DENND1B: variants seen among roughly 807,000 people sequenced by gnomAD.
DENND1B encodes DENN domain containing 1B.
DENND1B carries 59 observed loss-of-function variants against 90.1 expected under a neutral mutation model. The ratio of observed to expected loss-of-function variants is 0.65; its 90% CI spans 0.53 to 0.81. The LOEUF (loss-of-function observed/expected upper bound fraction) is 0.81. Ranked by LOEUF, DENND1B falls within the 40% of genes least tolerant of loss-of-function variation. The pLI is 0.00. For synonymous variants in DENND1B, 337 were observed against 324.6 expected, an observed-to-expected ratio of 1.04 and a Z score of -0.41; for missense variants, 862 against 912.6, an observed-to-expected ratio of 0.94 and a Z score of 0.71.
intron 15 of DENND1B, among the ~76,000 whole-genome samples, chr1:197,564,966 CATT>C (rs1254354906): frequency 2.6e-5 from 4 of 151,976 alleles, no homozygotes; most frequent in Admixed American, 2.6e-4. Context: ...TTTCTTCTGT[CATT>C]ATGTCTCTAT....
chr1:197,575,787 A>G (rs1039586110), intron 15 of DENND1B, among the ~76,000 whole-genome samples: 4 of 152,204 alleles, frequency 2.6e-5, no homozygotes, highest in African/African-American at 9.6e-5. Flanking sequence ...TTGCAGGGAC[A>G]TGGATGAAGC....
intron 3 of DENND1B, among the ~76,000 whole-genome samples, chr1:197,703,689 C>T (rs1339094480): frequency 1.3e-5 from 2 of 152,306 alleles, no homozygotes; most frequent in Admixed American, 6.5e-5. Context: ...AAATAAACTT[C>T]AATCAATTTT....
chr1:197,752,408 C>T (rs1484883674), intron 2 of DENND1B, among the ~76,000 whole-genome samples: 1 of 151,968 alleles, frequency 6.6e-6, no homozygotes, highest in East Asian at 1.9e-4. Flanking sequence ...TAAAATCCTT[C>T]CCACAAGAAA....
At chr1:197,550,631 G>A (rs947595402) in intron 16 of DENND1B, among the ~76,000 whole-genome samples, 4 of 148,046 alleles carry the variant, frequency 2.7e-5, no homozygotes, top group African/African-American at 1.0e-4. Context: ...ATGGACACAG[G>A]AAGGGGAACA....
chr1:197,642,970 G>T, intron 9 of DENND1B, 149 bp from the exon 10 acceptor site: 1 of 548,766 alleles, frequency 1.8e-6, no homozygotes, highest in Non-Finnish European at 3.2e-6. Context: ...AATACTAGTC[G>T]GCTGCCACAT....
chr1:197,674,277 C>A, intron 3 of DENND1B, 108 bp from the exon 4 acceptor site: 1 of 771,370 alleles, frequency 1.3e-6, no homozygotes, highest in South Asian at 1.8e-5. Context: ...CTTTCTTTGT[C>A]CTTAAGAAAA....
intron 20 of DENND1B, among the ~76,000 whole-genome samples, chr1:197,524,468 T>C (rs934619939): frequency 6.6e-6 from 1 of 152,308 alleles, no homozygotes; most frequent in East Asian, 1.9e-4. Flanking sequence ...CACACTGTTC[T>C]GATCCTGATC....
chr1:197,552,842 G>A (rs1571850684), intron 16 of DENND1B, 180 bp downstream of exon 16: 1 of 1,360,090 alleles, frequency 7.4e-7, no homozygotes, highest in Non-Finnish European at 9.4e-7. Flanking sequence ...TTGAGTAACA[G>A]GTATCAGGCA....
At chr1:197,731,200 A>T (rs896723147) in intron 2 of DENND1B, among the ~76,000 whole-genome samples, 1 of 152,172 alleles carries the variant, frequency 6.6e-6, no homozygotes, top group Non-Finnish European at 1.5e-5. Flanking sequence ...AAGAACTCAT[A>T]AAGAGAAGAA....
At chr1:197,603,950 C>T (rs149239729) in intron 13 of DENND1B, among the ~76,000 whole-genome samples, 1 of 151,206 alleles carries the variant, frequency 6.6e-6, no homozygotes, top group African/African-American at 2.4e-5. Flanking sequence ...TATAAACATA[C>T]TACAATAACA....
chr1:197,744,847 CT>C (rs1663556110), intron 2 of DENND1B, among the ~76,000 whole-genome samples: 1 of 152,182 alleles, frequency 6.6e-6, no homozygotes, highest in African/African-American at 2.4e-5. Context: ...ATGTAGCCAC[CT>C]TCATCAATGA....
chr1:197,611,895 A>G, intron 12 of DENND1B, 36 bp downstream of exon 12: 1 of 1,577,250 alleles, frequency 6.3e-7, no homozygotes, highest in South Asian at 1.1e-5. Context: ...TTTATGAGTT[A>G]ATTTTATCAC....
intron 15 of DENND1B, among the ~76,000 whole-genome samples, chr1:197,558,485 G>C (rs10922253): frequency 2.0e-5 from 3 of 151,502 alleles, no homozygotes; most frequent in Non-Finnish European, 4.4e-5. Context: ...GGAGCTATGA[G>C]CCAGGAACCG....
At chr1:197,591,937 C>T (rs542287830) in intron 14 of DENND1B, among the ~76,000 whole-genome samples, 56 of 151,716 alleles carry the variant, frequency 3.7e-4, no homozygotes, top group Non-Finnish European at 6.9e-4. Context: ...GGCAAAACCC[C>T]GTCTCTACTA....
At chr1:197,585,191 C>T (rs1374204203) in intron 14 of DENND1B, among the ~76,000 whole-genome samples, 1 of 151,784 alleles carries the variant, frequency 6.6e-6, no homozygotes, top group African/African-American at 2.4e-5. Flanking sequence ...CACTGGGAGC[C>T]CGATAAATGT....
At chr1:197,781,499 T>A in the DENND1B span, among the ~76,000 whole-genome samples, 5 of 152,224 alleles carry the variant, frequency 3.3e-5, no homozygotes, top group Non-Finnish European at 7.3e-5. Context: ...TTGACTGAGA[T>A]AGTGTTGTTA....
intron 12 of DENND1B, among the ~76,000 whole-genome samples, chr1:197,609,193 T>C (rs943973328): frequency 2.7e-5 from 4 of 150,570 alleles, no homozygotes; most frequent in Non-Finnish European, 4.5e-5. Flanking sequence ...AAGAAAATAA[T>C]ATTAGACATA....
rs1667963554 is a variant in DENND1B at position 197,510,697 on chromosome 1, A to G, written c.2091T>C (p.Asp697=). 1 of 1,612,610 alleles carries G rather than the reference A, an allele frequency of 6.2e-7. No homozygotes were observed. Among genetic ancestry groups the G allele is most frequent in the Non-Finnish European group, 8.5e-7 (1 of 1,179,154 alleles). Residue 697 remains aspartate, a synonymous_variant, in exon 23 of 23, where the codon GAT becomes GAC. Coordinates refer to ENST00000620048, the MANE Select transcript of DENND1B (RefSeq NM_001195215.2). ...QLTSPEVSQT[D]KGKTEKRETL... Reference sequence around the variant, plus strand: ...TTTCCCTCTTTTCTGTTTTTCCTTTATCAGTCTGGGAAACTTCAGGGGAAG... The same window carrying G: ...TTTCCCTCTTTTCTGTTTTTCCTTTGTCAGTCTGGGAAACTTCAGGGGAAG...
intron 4 of DENND1B, among the ~76,000 whole-genome samples, chr1:197,672,486 C>G (rs1173090067): frequency 6.6e-6 from 1 of 151,962 alleles, no homozygotes; most frequent in Non-Finnish European, 1.5e-5. Flanking sequence ...ACTGTAGAAG[C>G]AGCTAGAAAT....
Sources: gnomAD v4.1 joint callset for allele counts (sites outside exome capture counted in the v4.1 genomes callset) on GRCh38, gnomAD v4.1.1 for gene constraint, MANE v1.5 for transcripts, NCBI Gene and HGNC (gene_info 2026-07-23, HGNC 2026-07-21) for gene names.